The following NLRP2B variants were observed in gnomAD, a reference collection of about 807,000 sequenced individuals.
The protein encoded by NLRP2B is NLR family pyrin domain-containing protein 2B.
For synonymous variants in NLRP2B, 16 were observed against 3.5 expected (o/e 4.63, Z -4.03); for missense variants, 25 against 6.8 (o/e 3.70, Z -3.00).
At position 57,677,223 on chromosome X, in the gene NLRP2B, G is replaced by C. The variant is rs1412351403; in HGVS notation, c.*2900C>G. 7.9e-6 allele frequency: 3 copies of C among 380,941 alleles called. No individual in the cohort carries two copies. The highest frequency in any genetic ancestry group is 7.8e-5 in the African/African-American group (3 of 38,558). 31.4% of individuals were successfully genotyped at this position (380,941 alleles called of 1,213,427 possible). A position where few individuals can be genotyped will look rare whatever the true frequency, so the allele number is the denominator to read the frequency against. On this transcript the variant is annotated 3_prime_UTR_variant, in exon 1 of 1. Coordinates refer to ENST00000434992, the MANE Select transcript of NLRP2B (RefSeq NM_001319967.1). ...CTATTTTCAACCTGAGTGTCTGGAG[G>C]GTGCAATTTGGATGTGTCAAGGTTT...
chrX:57,677,887 G>T lies in NLRP2B; in HGVS notation c.*2236C>A, dbSNP rs756936701. On this transcript the variant is annotated 3_prime_UTR_variant, in exon 1 of 1. Transcript: ENST00000434992. Reference sequence around the variant, plus strand: ...CCATTGCTAAGTGGTGGTGGAAAAAGACACCAACCCGAGATATTGCAGGTT... The same window carrying T: ...CCATTGCTAAGTGGTGGTGGAAAAATACACCAACCCGAGATATTGCAGGTT... 1 of 425,824 alleles carries T rather than the reference G, an allele frequency of 2.3e-6. No individual in the cohort carries two copies. The highest frequency in any genetic ancestry group is 4.7e-5 in the East Asian group (1 of 21,281). The allele number at this position is 425,824 out of a possible 1,213,427, so 35.1% of individuals were successfully genotyped here. A position where few individuals can be genotyped will look rare whatever the true frequency, so the allele number is the denominator to read the frequency against.
Position 57,678,084 on chromosome X carries a change from G to T in NLRP2B, c.*2039C>A, listed in dbSNP as rs780176892. On this transcript the variant is annotated 3_prime_UTR_variant, in exon 1 of 1. Coordinates refer to ENST00000434992, the MANE Select transcript of NLRP2B (RefSeq NM_001319967.1). Reference sequence around the variant, plus strand: ...ACATCACTCTCTGGAGACGACAGGTGTCAGAAGCTATTTGTTCACACAGGA... The same window carrying T: ...ACATCACTCTCTGGAGACGACAGGTTTCAGAAGCTATTTGTTCACACAGGA... 4.3e-5 allele frequency: 20 copies of T among 465,307 alleles called. No individual in the cohort carries two copies. The South Asian group carries it at 5.8e-4, about 13-fold the overall frequency. 38.3% of individuals were successfully genotyped at this position (465,307 alleles called of 1,213,427 possible). A position where few individuals can be genotyped will look rare whatever the true frequency, so the allele number is the denominator to read the frequency against.
Position 57,677,194 on chromosome X carries a change from T to C in NLRP2B, c.*2929A>G. 2.7e-6 allele frequency: 1 copy of C among 368,701 alleles called. No individual in the cohort carries two copies. Among genetic ancestry groups the C allele is most frequent in the South Asian group, 2.6e-5 (1 of 38,627 alleles). The allele number at this position is 368,701 out of a possible 1,213,427, so 30.4% of individuals were successfully genotyped here. ...CAGCTTATCGAGTTCAACATTAAAG[T>C]CATCTATTTTCAACCTGAGTGTCTG... is the stretch of plus-strand genomic sequence containing the variant. On this transcript the variant is annotated 3_prime_UTR_variant, in exon 1 of 1. Transcript: ENST00000434992.
In NLRP2B at chrX:57,678,914, C is replaced by T; in HGVS notation, c.*1209G>A. On this transcript the variant is annotated 3_prime_UTR_variant, in exon 1 of 1. Transcript: ENST00000434992. ...ATCTGCGCCCACAGGCCCTGTGCCGCCAGGAGGCTCAGCGCCCGCAGCACG... is the reference window on the plus strand; with the variant it reads ...ATCTGCGCCCACAGGCCCTGTGCCGTCAGGAGGCTCAGCGCCCGCAGCACG... The T allele has an allele frequency of 4.8e-6, 2 of 417,149 alleles. No individual in the cohort carries two copies. The highest frequency in any genetic ancestry group is 3.2e-5 in the South Asian group (1 of 30,964). The allele number at this position is 417,149 out of a possible 1,213,427, so 34.4% of individuals were successfully genotyped here. A position where few individuals can be genotyped will look rare whatever the true frequency, so the allele number is the denominator to read the frequency against.
In NLRP2B at chrX:57,679,206, T is replaced by G. The variant is rs937995148; in HGVS notation, c.*917A>C. The G allele has an allele frequency of 6.0e-4, 270 of 450,834 alleles. No homozygotes were observed. The highest frequency in any genetic ancestry group is 1.0e-3 in the Non-Finnish European group (246 of 244,772). 37.2% of individuals were successfully genotyped at this position (450,834 alleles called of 1,213,427 possible). ...CTCCAGGAACTCCTCCACCCTTACA[T>G]AGATCGGCCGCTCCACCAACAGCCG... On this transcript the variant is annotated 3_prime_UTR_variant, in exon 1 of 1. Transcript: ENST00000434992.
At position 57,677,123 on chromosome X, in the gene NLRP2B, A is replaced by T; in HGVS notation, c.*3000T>A. The T allele has an allele frequency of 3.4e-6, 1 of 293,171 alleles. No homozygotes were observed. Among genetic ancestry groups the T allele is most frequent in the South Asian group, 3.8e-5 (1 of 26,275 alleles). 24.2% of individuals were successfully genotyped at this position (293,171 alleles called of 1,213,427 possible). A position where few individuals can be genotyped will look rare whatever the true frequency, so the allele number is the denominator to read the frequency against. ...TCCCCCCCAAAGGATCATGTTTCTC[A>T]GTTATCAGCAGGCAGTTGTGGGTTG... On this transcript the variant is annotated 3_prime_UTR_variant, in exon 1 of 1. Transcript: ENST00000434992.
Position 57,679,573 on chromosome X carries a change from G to T in NLRP2B, c.*550C>A. ...AAATTTCTGGCTGAGGTTGTCCTCTGCCCAGTCCAGCATTAATTTCTTGGC... is the reference window on the plus strand; with the variant it reads ...AAATTTCTGGCTGAGGTTGTCCTCTTCCCAGTCCAGCATTAATTTCTTGGC... On this transcript the variant is annotated 3_prime_UTR_variant, in exon 1 of 1. Coordinates refer to ENST00000434992, the MANE Select transcript of NLRP2B (RefSeq NM_001319967.1). 1 of 530,858 alleles carries T rather than the reference G, an allele frequency of 1.9e-6. No homozygotes were observed. The highest frequency in any genetic ancestry group is 3.3e-6 in the Non-Finnish European group (1 of 301,664). The allele number at this position is 530,858 out of a possible 1,213,427, so 43.7% of individuals were successfully genotyped here. A position where few individuals can be genotyped will look rare whatever the true frequency, so the allele number is the denominator to read the frequency against.
Position 57,680,125 on chromosome X carries a change from A to G in NLRP2B, c.136T>C (p.Ter46GlnextTer58), listed in dbSNP as rs1406783190. ...TGCTTCCCATCAGCCTTGTCTACCT[A>G]TGTCTGGGGGATCTTTTGCAGCTCA... is the stretch of plus-strand genomic sequence containing the variant. ...GNELQKIPQT[*>Q] Residue 46 changes from the stop codon to glutamine (Q), a stop_lost, in exon 1 of 1, where the codon TAG (stop) becomes CAG (glutamine). Transcript: ENST00000434992. The G allele has an allele frequency of 2.5e-5, 11 of 445,461 alleles. No homozygotes were observed. Among genetic ancestry groups the G allele is most frequent in the Non-Finnish European group, 3.6e-5 (9 of 250,055 alleles). 36.7% of individuals were successfully genotyped at this position (445,461 alleles called of 1,213,427 possible). A position where few individuals can be genotyped will look rare whatever the true frequency, so the allele number is the denominator to read the frequency against.
rs1425244457 is a variant in NLRP2B at position 57,678,391 on chromosome X, G to C, written c.*1732C>G. 1 of 522,645 alleles carries C rather than the reference G, an allele frequency of 1.9e-6. No individual in the cohort carries two copies. Among genetic ancestry groups the C allele is most frequent in the Non-Finnish European group, 3.5e-6 (1 of 283,828 alleles). 43.1% of individuals were successfully genotyped at this position (522,645 alleles called of 1,213,427 possible). A position where few individuals can be genotyped will look rare whatever the true frequency, so the allele number is the denominator to read the frequency against. On this transcript the variant is annotated 3_prime_UTR_variant, in exon 1 of 1. Transcript: ENST00000434992. ...TAAGTGCAGGGATATTTCTTTGAAC[G>C]GAGCCATCACTCCCTTCACCAGCTC...
rs191476109 is a variant in NLRP2B at position 57,679,215 on chromosome X, C to A, written c.*908G>T. On this transcript the variant is annotated 3_prime_UTR_variant, in exon 1 of 1. Coordinates refer to ENST00000434992, the MANE Select transcript of NLRP2B (RefSeq NM_001319967.1). ...CTCCTCCACCCTTACATAGATCGGC[C>A]GCTCCACCAACAGCCGGAGGTCTCT... The A allele has an allele frequency of 4.4e-6, 2 of 450,983 alleles. No homozygotes were observed. Among genetic ancestry groups the A allele is most frequent in the South Asian group, 2.9e-5 (1 of 34,516 alleles). The allele number at this position is 450,983 out of a possible 1,213,427, so 37.2% of individuals were successfully genotyped here.
Position 57,678,602 on chromosome X carries a change from G to T in NLRP2B, c.*1521C>A, listed in dbSNP as rs772199263. On this transcript the variant is annotated 3_prime_UTR_variant, in exon 1 of 1. Coordinates refer to ENST00000434992, the MANE Select transcript of NLRP2B (RefSeq NM_001319967.1). The stretch of plus-strand genomic sequence containing the variant: ...TCGTTGGCGAAGCCGAATAAGAAGT[G>T]TCTTGCTTGGATCAGGTCGGGGTTC... The T allele has an allele frequency of 3.6e-5, 17 of 471,901 alleles. No homozygotes were observed. The South Asian group carries it at 4.5e-4, about 13-fold the overall frequency. The allele number at this position is 471,901 out of a possible 1,213,427, so 38.9% of individuals were successfully genotyped here.
Position 57,678,960 on chromosome X carries a change from CG to C in NLRP2B, c.*1162del, listed in dbSNP as rs1310696090. On this transcript the variant is annotated 3_prime_UTR_variant, in exon 1 of 1. Coordinates refer to ENST00000434992, the MANE Select transcript of NLRP2B (RefSeq NM_001319967.1). ...GCACGCCCCAGAGCTGTGCGCCCTG[CG>C]GGAACCGGCCGCAAAGGAAGCGCAG... 2.1e-6 allele frequency: 1 copy of C among 469,009 alleles called. No individual in the cohort carries two copies. Among genetic ancestry groups the C allele is most frequent in the Non-Finnish European group, 3.6e-6 (1 of 279,181 alleles). 38.7% of individuals were successfully genotyped at this position (469,009 alleles called of 1,213,427 possible). A position where few individuals can be genotyped will look rare whatever the true frequency, so the allele number is the denominator to read the frequency against.
Position 57,679,350 on chromosome X carries a change from A to G in NLRP2B, c.*773T>C, listed in dbSNP as rs2011747703. On this transcript the variant is annotated 3_prime_UTR_variant, in exon 1 of 1. Coordinates refer to ENST00000434992, the MANE Select transcript of NLRP2B (RefSeq NM_001319967.1). ...CCGGCTTCTGCTTCTCCCAGTCCCCACAGATGTCCTAGATCAGTGCCCCAG... is the reference window on the plus strand; with the variant it reads ...CCGGCTTCTGCTTCTCCCAGTCCCCGCAGATGTCCTAGATCAGTGCCCCAG... 5 of 620,353 alleles carry G rather than the reference A, an allele frequency of 8.1e-6. No homozygotes were observed. The highest frequency in any genetic ancestry group is 7.1e-5 in the Admixed American group (3 of 42,374). The allele number at this position is 620,353 out of a possible 1,213,427, so 51.1% of individuals were successfully genotyped here.
At position 57,679,486 on chromosome X, in the gene NLRP2B, T is replaced by C; in HGVS notation, c.*637A>G. 2.2e-6 allele frequency: 2 copies of C among 918,981 alleles called. No homozygotes were observed. Among genetic ancestry groups the C allele is most frequent in the East Asian group, 3.1e-5 (1 of 32,111 alleles). 75.7% of individuals were successfully genotyped at this position (918,981 alleles called of 1,213,427 possible). ...TTCAGGCCAGTTCCTGAAGACCAGC[T>C]CTGCAAAACTGCACGGGCCCAGGCA... is the stretch of plus-strand genomic sequence containing the variant. On this transcript the variant is annotated 3_prime_UTR_variant, in exon 1 of 1. Transcript: ENST00000434992.
In NLRP2B at chrX:57,677,227, C is replaced by G. The variant is rs2011711905; in HGVS notation, c.*2896G>C. 2.6e-6 allele frequency: 1 copy of G among 382,630 alleles called. No individual in the cohort carries two copies. Among genetic ancestry groups the G allele is most frequent in the Admixed American group, 2.6e-5 (1 of 38,899 alleles). The allele number at this position is 382,630 out of a possible 1,213,427, so 31.5% of individuals were successfully genotyped here. A position where few individuals can be genotyped will look rare whatever the true frequency, so the allele number is the denominator to read the frequency against. Reference sequence around the variant, plus strand: ...TTTCAACCTGAGTGTCTGGAGGGTGCAATTTGGATGTGTCAAGGTTTCAAA... The same window carrying G: ...TTTCAACCTGAGTGTCTGGAGGGTGGAATTTGGATGTGTCAAGGTTTCAAA... On this transcript the variant is annotated 3_prime_UTR_variant, in exon 1 of 1. Coordinates refer to ENST00000434992, the MANE Select transcript of NLRP2B (RefSeq NM_001319967.1).
In NLRP2B at chrX:57,679,758, C is replaced by T. The variant is rs1272610432; in HGVS notation, c.*365G>A. On this transcript the variant is annotated 3_prime_UTR_variant, in exon 1 of 1. Coordinates refer to ENST00000434992, the MANE Select transcript of NLRP2B (RefSeq NM_001319967.1). ...CTCCAGGCCAGGTTTTCCACATTTG[C>T]CAGAACTTCGTCTTCAATATACTCC... 1.3e-5 allele frequency: 5 copies of T among 374,258 alleles called. No individual in the cohort carries two copies. Among genetic ancestry groups the T allele is most frequent in the African/African-American group, 2.6e-5 (1 of 39,200 alleles). 30.8% of individuals were successfully genotyped at this position (374,258 alleles called of 1,213,427 possible). A position where few individuals can be genotyped will look rare whatever the true frequency, so the allele number is the denominator to read the frequency against.
rs1281148681 is a variant in NLRP2B, at chrX:57,677,763, T to A, written c.*2360A>T. ...GGAAGCATTTTGGGTGTCTCAAAGT[T>A]GTGTACAGCAACTTGGCACCCTCAT... On this transcript the variant is annotated 3_prime_UTR_variant, in exon 1 of 1. Transcript: ENST00000434992. 4.7e-6 allele frequency: 2 copies of A among 426,782 alleles called. No homozygotes were observed. The highest frequency in any genetic ancestry group is 9.0e-6 in the Non-Finnish European group (2 of 222,711). 35.2% of individuals were successfully genotyped at this position (426,782 alleles called of 1,213,427 possible). A position where few individuals can be genotyped will look rare whatever the true frequency, so the allele number is the denominator to read the frequency against.
rs774110900 is a variant in NLRP2B at position 57,679,173 on chromosome X, C to T, written c.*950G>A. ...AAAGTGTCTCAGGAAATATGCCCTC[C>T]TGTCCTTCTCCAGGAACTCCTCCAC... On this transcript the variant is annotated 3_prime_UTR_variant, in exon 1 of 1. Coordinates refer to ENST00000434992, the MANE Select transcript of NLRP2B (RefSeq NM_001319967.1). 384 of 469,476 alleles carry T rather than the reference C, an allele frequency of 8.2e-4. 1 individual carries two copies. Among genetic ancestry groups the T allele is most frequent in the Non-Finnish European group, 6.3e-4 (158 of 252,723 alleles). 38.7% of individuals were successfully genotyped at this position (469,476 alleles called of 1,213,427 possible). A position where few individuals can be genotyped will look rare whatever the true frequency, so the allele number is the denominator to read the frequency against.
In NLRP2B at chrX:57,677,712, A is replaced by C; in HGVS notation, c.*2411T>G. On this transcript the variant is annotated 3_prime_UTR_variant, in exon 1 of 1. Coordinates refer to ENST00000434992, the MANE Select transcript of NLRP2B (RefSeq NM_001319967.1). ...TCTTGCAATTGCCTTCTATAAAGTG[A>C]CAGTTTTCCAACAACAACCTCGGCA... 5.3e-6 allele frequency: 2 copies of C among 374,179 alleles called. No homozygotes were observed. Among genetic ancestry groups the C allele is most frequent in the Non-Finnish European group, 1.0e-5 (2 of 194,949 alleles). The allele number at this position is 374,179 out of a possible 1,213,427, so 30.8% of individuals were successfully genotyped here. A position where few individuals can be genotyped will look rare whatever the true frequency, so the allele number is the denominator to read the frequency against.
Sources: allele counts gnomAD v4.1 joint callset, GRCh38; gene constraint gnomAD v4.1.1; transcripts MANE v1.5; gene names NCBI Gene and HGNC (gene_info 2026-07-23, HGNC 2026-07-21).